GTF2H1: variants seen among roughly 807,000 people sequenced by gnomAD.
GTF2H1 encodes the protein general transcription factor IIH subunit 1.
Under a neutral mutation model 71.2 loss-of-function variants are expected in GTF2H1, and 16 were observed. The observed-to-expected ratio is 0.22, with a 90% CI of 0.15 to 0.34. The LOEUF is 0.34. Ranked by LOEUF, GTF2H1 falls within the 10% of genes least tolerant of loss-of-function variation. The pLI is 1.00. For missense variants in GTF2H1, 498 were observed against 648.2 expected (o/e 0.77, Z 2.52); for synonymous variants, 215 against 219.0 (o/e 0.98, Z 0.16).
intron 11 of GTF2H1, 55 bp downstream of exon 11, chr11:18,352,501 T>G: frequency 1.3e-6 from 1 of 752,808 alleles, no homozygotes. Flanking sequence ...TTCCTCAGTT[T>G]ATGAGCACAA....
chr11:18,351,165 T>A (rs980246622), intron 9 of GTF2H1, among the ~76,000 whole-genome samples: 2 of 151,972 alleles, frequency 1.3e-5, no homozygotes, highest in Non-Finnish European at 2.9e-5. Context: ...TGGTAGCATG[T>A]GTCTGTAATC....
At chr11:18,362,179 C>G (rs1565021175) in intron 14 of GTF2H1, among the ~76,000 whole-genome samples, 1 of 152,092 alleles carries the variant, frequency 6.6e-6, no homozygotes. Context: ...TAGTACTGTA[C>G]TAAATACTGT....
Position 18,358,623 on chromosome 11 carries a change from C to T in GTF2H1, c.1450C>T (p.Pro484Ser), listed in dbSNP as rs1205908331. The stretch of plus-strand genomic sequence containing the variant: ...CTGGTCCTGCTTTCCTGTTAATACG[C>T]CATTCCTAGAAGAAAAGGTTAGAAC... The part of the protein sequence containing the change: ...HFWSCFPVNT[P>S]FLEEKVVKMK... The change falls in exon 13 of 15, where the codon CCA becomes TCA. Residue 484 changes from proline (P) to serine (S), a missense_variant. Coordinates refer to ENST00000265963, the MANE Select transcript of GTF2H1 (RefSeq NM_005316.4). 1.3e-6 allele frequency: 2 copies of T among 1,599,288 alleles called. No homozygotes were observed. Among genetic ancestry groups the T allele is most frequent in the Admixed American group, 3.3e-5 (2 of 59,976 alleles).
intron 14 of GTF2H1, among the ~76,000 whole-genome samples, chr11:18,362,656 T>C (rs551797303): frequency 1.7e-4 from 23 of 132,558 alleles, no homozygotes; most frequent in African/African-American, 6.3e-4. Context: ...GATATATATA[T>C]TTTTTCTTTT....
intron 7 of GTF2H1, among the ~76,000 whole-genome samples, chr11:18,346,613 C>T (rs1001804215): frequency 6.6e-6 from 1 of 151,666 alleles, no homozygotes; most frequent in African/African-American, 2.4e-5. Flanking sequence ...TTTTATCCTA[C>T]TTTATAGAGC....
chr11:18,362,666 T>TCC (rs1865730680), intron 14 of GTF2H1, among the ~76,000 whole-genome samples: 2 of 74,010 alleles, frequency 2.7e-5, no homozygotes, highest in Non-Finnish European at 5.7e-5. Flanking sequence ...TTTTTTCTTT[T>TCC]TCTTTTTTTT....
intron 14 of GTF2H1, among the ~76,000 whole-genome samples, chr11:18,362,413 A>T (rs987570701): frequency 6.6e-6 from 1 of 152,188 alleles, no homozygotes; most frequent in African/African-American, 2.4e-5. Flanking sequence ...CTGTACACTT[A>T]GACTACATTA....
intron 5 of GTF2H1, among the ~76,000 whole-genome samples, chr11:18,340,792 T>C (rs1435276080): frequency 6.6e-6 from 1 of 152,174 alleles, no homozygotes. Flanking sequence ...AGATAGAAAG[T>C]GGCAGACCTG....
chr11:18,364,392 A>G (rs1253005877), intron 14 of GTF2H1, among the ~76,000 whole-genome samples: 1 of 152,148 alleles, frequency 6.6e-6, no homozygotes, highest in African/African-American at 2.4e-5. Context: ...TCCACCTCCA[A>G]GGAAACATAT....
intron 7 of GTF2H1, among the ~76,000 whole-genome samples, chr11:18,343,281 T>C (rs1865204867): frequency 6.6e-6 from 1 of 152,222 alleles, no homozygotes; most frequent in Non-Finnish European, 1.5e-5. Context: ...AGTACTTGCC[T>C]TATAGGATTT....
At chr11:18,349,094 C>T (rs1412840988) in intron 9 of GTF2H1, among the ~76,000 whole-genome samples, 1 of 152,150 alleles carries the variant, frequency 6.6e-6, no homozygotes, top group Non-Finnish European at 1.5e-5. Flanking sequence ...GGAGTTTTGC[C>T]ATATTGGCCA....
chr11:18,347,476 C>T (rs1230803089), intron 7 of GTF2H1, 112 bp from the exon 8 acceptor site: 9 of 609,796 alleles, frequency 1.5e-5, no homozygotes, highest in Middle Eastern at 4.5e-4. Context: ...ATTTAATGTT[C>T]GTGAGAAGTA....
At chr11:18,349,660 A>G (rs555616780) in intron 9 of GTF2H1, among the ~76,000 whole-genome samples, 9 of 152,314 alleles carry the variant, frequency 5.9e-5, no homozygotes, top group Non-Finnish European at 1.2e-4. Context: ...TCCAGCCTGG[A>G]TGACAGAGCA....
At chr11:18,323,460 G>A (rs1029734657) in intron 1 of GTF2H1, among the ~76,000 whole-genome samples, 2 of 151,796 alleles carry the variant, frequency 1.3e-5, no homozygotes, top group Non-Finnish European at 2.9e-5. Flanking sequence ...GGCCCCAAAT[G>A]ACTCCTAAAC....
Position 18,352,362 on chromosome 11 carries a change from A to G in GTF2H1, c.1176A>G (p.Leu392=), listed in dbSNP as rs774500318. The G allele has an allele frequency of 7.6e-6, 12 of 1,570,992 alleles. No individual in the cohort carries two copies. The highest frequency in any genetic ancestry group is 1.1e-5 in the Non-Finnish European group (12 of 1,141,092). Residue 392 remains leucine (L), a synonymous_variant, in exon 11 of 15, where the codon CTA becomes CTG. Transcript: ENST00000265963. ...ATGGTCCAACTCCAATCCAGTCACT[A>G]CAGTATGCAACAAGTCAGGACATTA... is the stretch of plus-strand genomic sequence containing the variant. ...YYHGPTPIQS[L]QYATSQDIIN...
rs142918875 is a variant in GTF2H1 at position 18,338,195 on chromosome 11, A to G, written c.434A>G (p.Asn145Ser). ...ATCAGTGCTGAGGAATTCTGGGCCA[A>G]TCGTTTAAATGTGAATGCAACAGAT... is the stretch of plus-strand genomic sequence containing the variant. ...QVISAEEFWA[N>S]RLNVNATDSS... Residue 145 changes from asparagine to serine, a missense_variant, in exon 4 of 15, where the codon AAT becomes AGT. Physicochemically the swap from Asn to Ser is conservative, Grantham distance 46. Around this residue, in one of 3 missense-constraint regions of GTF2H1, gnomAD observed 216 missense variants for 306.2 expected, o/e 0.71. Coordinates refer to ENST00000265963, the MANE Select transcript of GTF2H1 (RefSeq NM_005316.4). The G allele has an allele frequency of 8.1e-5, 130 of 1,607,824 alleles. 1 individual carries two copies. The highest frequency in any genetic ancestry group is 6.7e-4 in the African/African-American group (50 of 74,944).
rs753746601 is a variant in GTF2H1, at chr11:18,366,116, TAC to T, written c.*259_*260del. 4.8e-4 allele frequency: 237 copies of T among 492,634 alleles called. No homozygotes were observed. Among genetic ancestry groups the T allele is most frequent in the East Asian group, 7.3e-4 (22 of 30,336 alleles). 30.5% of individuals were successfully genotyped at this position (492,634 alleles called of 1,614,324 possible). A position where few individuals can be genotyped will look rare whatever the true frequency, so the allele number is the denominator to read the frequency against. ...GAGCTAAGTTGCAAATATATATATATACACACACACACATATATGTACATGTG... is the reference window on the plus strand; with the variant it reads ...GAGCTAAGTTGCAAATATATATATATACACACACACATATATGTACATGTG... On this transcript the variant is annotated 3_prime_UTR_variant, in exon 15 of 15. Transcript: ENST00000265963.
At chr11:18,330,591 G>A (rs1010602770) in intron 1 of GTF2H1, among the ~76,000 whole-genome samples, 6 of 152,182 alleles carry the variant, frequency 3.9e-5, no homozygotes, top group African/African-American at 9.7e-5. Flanking sequence ...TTGCACGGGA[G>A]GGCTATGTGT....
Position 18,347,557 on chromosome 11 carries a change from T to C in GTF2H1, c.838-31T>C, listed in dbSNP as rs1590192342. ...TATAATAAGAAAAGCAGAACCTTTT[T>C]AAAAAATTTTTAATCTATTATTTCT... On this transcript the variant is annotated intron_variant, in intron 7 of 14. Transcript: ENST00000265963. 2.0e-6 allele frequency: 3 copies of C among 1,505,858 alleles called. No individual in the cohort carries two copies. The East Asian group carries it at 7.1e-5, about 36-fold the overall frequency. 93.3% of individuals were successfully genotyped at this position (1,505,858 alleles called of 1,614,324 possible).
Sources: gnomAD v4.1 joint callset for allele counts (sites outside exome capture counted in the v4.1 genomes callset) on GRCh38, gnomAD v4.1.1 for gene constraint, gnomAD v4.1.1 regional missense constraint, MANE v1.5 for transcripts, NCBI Gene and HGNC (gene_info 2026-07-23, HGNC 2026-07-21) for gene names.